PLSCR4: variants seen among roughly 807,000 people sequenced by gnomAD.
PLSCR4 encodes the protein Ca(2+)-dependent phospholipid scramblase 4.
In PLSCR4, 25 loss-of-function variants were observed where a neutral mutation model predicts 36.3. That is an observed-to-expected ratio of 0.69 (90% CI 0.50 to 0.96). PLSCR4 has a LOEUF of 0.96. PLSCR4 is among the 40% of genes least tolerant of loss of function. The pLI, the probability that PLSCR4 is intolerant of heterozygous loss-of-function variation, is 0.00. For synonymous variants in PLSCR4, 122 were observed against 132.9 expected (o/e 0.92, Z 0.56); for missense variants, 408 against 414.7 (o/e 0.98, Z 0.14).
At chr3:146,228,382 CACT>C (rs1244715841) in intron 1 of PLSCR4, among the ~76,000 whole-genome samples, 1 of 152,030 alleles carries the variant, frequency 6.6e-6, no homozygotes, top group African/African-American at 2.4e-5. Flanking sequence ...GAGCTGACAC[CACT>C]AATTCCCATC....
At position 146,201,028 on chromosome 3, in the gene PLSCR4, T is replaced by C; in HGVS notation, c.397+7A>G. On this transcript the variant is annotated splice_region_variant and intron_variant, in intron 5 of 8. Transcript: ENST00000354952. ...ATACTGCTGAGCACTACAAAAATTA[T>C]ACATACTTTCCAGAGGCTCAAAATG... is the stretch of plus-strand genomic sequence containing the variant. 1 of 1,549,044 alleles carries C rather than the reference T, an allele frequency of 6.5e-7. No homozygotes were observed. Among genetic ancestry groups the C allele is most frequent in the East Asian group, 2.4e-5 (1 of 42,158 alleles).
intron 3 of PLSCR4, among the ~76,000 whole-genome samples, chr3:146,212,456 G>GT (rs34304483): frequency 0.019 from 2,583 of 137,072 alleles, 64 homozygotes; most frequent in African/African-American, 0.06. Context: ...TGTTTTTTGG[G>GT]TTTTTTTTTT....
intron 3 of PLSCR4, among the ~76,000 whole-genome samples, chr3:146,208,800 T>C (rs938382061): frequency 3.9e-5 from 6 of 152,168 alleles, no homozygotes; most frequent in African/African-American, 1.4e-4. Flanking sequence ...GGAACACTTC[T>C]ACACTGCTGG....
In PLSCR4 at chr3:146,222,082, T is replaced by A. The variant is rs2035178611; in HGVS notation, c.-11A>T. On this transcript the variant is annotated 5_prime_UTR_variant, in exon 2 of 9. Transcript: ENST00000354952. ...AAACTTACCTGACATTTTGAAGAAT[T>A]CCAATTAATCCTGAAAAATAAAAAA... 1.7e-6 allele frequency: 2 copies of A among 1,155,734 alleles called. No individual in the cohort carries two copies. The highest frequency in any genetic ancestry group is 5.7e-5 in the East Asian group (2 of 35,032). The allele number at this position is 1,155,734 out of a possible 1,614,324, so 71.6% of individuals were successfully genotyped here.
chr3:146,228,823 G>C (rs1246912100), intron 1 of PLSCR4, among the ~76,000 whole-genome samples: 1 of 152,034 alleles, frequency 6.6e-6, no homozygotes, highest in Non-Finnish European at 1.5e-5. Context: ...ATATGTGTAA[G>C]TGATTAGAAT....
chr3:146,223,837 ATT>A (rs1481492814), intron 1 of PLSCR4: 9 of 126,800 alleles, frequency 7.1e-5, no homozygotes, highest in African/African-American at 2.1e-4. Flanking sequence ...TATAATATAT[ATT>A]ATGTAAAAAT....
intron 3 of PLSCR4, among the ~76,000 whole-genome samples, chr3:146,215,876 TG>T (rs2034871469): frequency 1.3e-5 from 2 of 152,214 alleles, no homozygotes; most frequent in Non-Finnish European, 2.9e-5. Context: ...TTCTGTCTTT[TG>T]TAATCAAAGA....
intron 4 of PLSCR4, among the ~76,000 whole-genome samples, chr3:146,203,797 C>A (rs2034174455): frequency 6.6e-6 from 1 of 151,962 alleles, no homozygotes; most frequent in Admixed American, 6.6e-5. Context: ...TCTTTCTAGA[C>A]CACTAAAACT....
intron 1 of PLSCR4, among the ~76,000 whole-genome samples, chr3:146,245,905 C>T (rs1351052961): frequency 6.6e-6 from 1 of 152,042 alleles, no homozygotes; most frequent in Non-Finnish European, 1.5e-5. Flanking sequence ...AGACTTTAAG[C>T]CAAATTTCTT....
chr3:146,232,587 G>A (rs1260161073), intron 1 of PLSCR4, among the ~76,000 whole-genome samples: 1 of 151,980 alleles, frequency 6.6e-6, no homozygotes, highest in Admixed American at 6.6e-5. Context: ...TAGATATTTT[G>A]TTCTTTTTGT....
chr3:146,211,173 C>A (rs974025250), intron 3 of PLSCR4, among the ~76,000 whole-genome samples: 3 of 152,068 alleles, frequency 2.0e-5, no homozygotes, highest in African/African-American at 7.2e-5. Flanking sequence ...TGTCCACTTG[C>A]AAATATGAGA....
intron 3 of PLSCR4, among the ~76,000 whole-genome samples, chr3:146,220,309 C>T (rs112718679): frequency 6.6e-5 from 10 of 152,320 alleles, no homozygotes; most frequent in African/African-American, 2.4e-4. Context: ...GAAAGATAAG[C>T]TCCTTAATCA....
chr3:146,200,064 A>G (rs1270462153), intron 5 of PLSCR4, 25 bp from the exon 6 acceptor site: 4 of 1,326,864 alleles, frequency 3.0e-6, no homozygotes, highest in South Asian at 1.2e-5. Flanking sequence ...GAGTAAGTCT[A>G]TATTAGAAAC....
intron 1 of PLSCR4, among the ~76,000 whole-genome samples, chr3:146,240,898 T>C (rs1053495082): frequency 2.0e-5 from 3 of 152,190 alleles, no homozygotes; most frequent in East Asian, 1.9e-4. Context: ...ATGTTCATAA[T>C]AGCATTACAC....
intron 3 of PLSCR4, among the ~76,000 whole-genome samples, chr3:146,217,083 T>C (rs1044518159): frequency 6.6e-6 from 1 of 152,124 alleles, no homozygotes; most frequent in Admixed American, 6.6e-5. Context: ...TGCTTGCTGC[T>C]AGAAATATAA....
chr3:146,229,565 G>A (rs952919614), intron 1 of PLSCR4, among the ~76,000 whole-genome samples: 13 of 128,296 alleles, frequency 1.0e-4, no homozygotes, highest in Non-Finnish European at 2.0e-4. Context: ...ACAACTGACT[G>A]GTCCTGATTT....
At chr3:146,226,019 G>A (rs1013453737) in intron 1 of PLSCR4, among the ~76,000 whole-genome samples, 1 of 152,200 alleles carries the variant, frequency 6.6e-6, no homozygotes, top group Non-Finnish European at 1.5e-5. Flanking sequence ...TCAGTAGCAG[G>A]AATTCTAAAC....
chr3:146,234,294 GC>G (rs751378205), intron 1 of PLSCR4, among the ~76,000 whole-genome samples: 1 of 152,162 alleles, frequency 6.6e-6, no homozygotes, highest in Non-Finnish European at 1.5e-5. Flanking sequence ...TCCAGGAGAA[GC>G]CCTCTACTTC....
In PLSCR4 at chr3:146,223,804, T is replaced by G. The variant is rs1576477441; in HGVS notation, c.-21-1712A>C. 3 of 148,362 alleles carry G rather than the reference T, an allele frequency of 2.0e-5. No individual in the cohort carries two copies. The East Asian group carries it at 5.8e-4, about 29-fold the overall frequency. The allele number at this position is 148,362 out of a possible 1,614,324, so 9.2% of individuals were successfully genotyped here. On this transcript the variant is annotated intron_variant, in intron 1 of 8. Coordinates refer to ENST00000354952, the MANE Select transcript of PLSCR4 (RefSeq NM_020353.3). ...TTAAAAAATACATATAAATATATTTTAAAACATATATATTTACTTTTATAT... is the reference window on the plus strand; with the variant it reads ...TTAAAAAATACATATAAATATATTTGAAAACATATATATTTACTTTTATAT...
Sources: allele counts gnomAD v4.1 joint callset (sites outside exome capture counted in the v4.1 genomes callset), GRCh38; gene constraint gnomAD v4.1.1; transcripts MANE v1.5; gene names NCBI Gene and HGNC (gene_info 2026-07-23, HGNC 2026-07-21).